The following KIF13B variants were observed in gnomAD, a reference collection of about 807,000 sequenced individuals.
KIF13B encodes kinesin family member 13B.
In KIF13B, 127 loss-of-function variants were observed where a neutral mutation model predicts 222.0. The observed-to-expected ratio is 0.57, with a 90% CI of 0.50 to 0.66. The LOEUF is 0.66. Among genes scored for constraint, KIF13B ranks in the 30% least tolerant of loss-of-function variants. KIF13B has a pLI of 0.00. For synonymous variants in KIF13B, 976 were observed against 919.0 expected (o/e 1.06, Z -1.12); for missense variants, 2,173 against 2,379.0 (o/e 0.91, Z 1.80).
At chr8:29,196,799 T>C (rs1471918797) in intron 2 of KIF13B, among the ~76,000 whole-genome samples, 2 of 152,156 alleles carry the variant, frequency 1.3e-5, no homozygotes, top group Admixed American at 6.5e-5. Flanking sequence ...GCTTAACAGT[T>C]GCACATCCCA....
At chr8:29,097,317 A>G (rs1002982884) in intron 36 of KIF13B, among the ~76,000 whole-genome samples, 1 of 152,198 alleles carries the variant, frequency 6.6e-6, no homozygotes, top group Non-Finnish European at 1.5e-5. Context: ...AATAATTAGA[A>G]GCTAATTATC....
intron 2 of KIF13B, among the ~76,000 whole-genome samples, chr8:29,225,012 T>A (rs1001615868): frequency 6.6e-6 from 1 of 152,234 alleles, no homozygotes; most frequent in Non-Finnish European, 1.5e-5. Flanking sequence ...GTGATATGTG[T>A]TACAGCTGCA....
intron 29 of KIF13B, among the ~76,000 whole-genome samples, chr8:29,119,555 C>T (rs1809758506): frequency 1.3e-5 from 2 of 152,204 alleles, no homozygotes; most frequent in Admixed American, 1.3e-4. Flanking sequence ...ATGTACCATG[C>T]TGACCAAAGT....
chr8:29,248,240 A>G (rs1816123119), intron 1 of KIF13B, among the ~76,000 whole-genome samples: 1 of 152,218 alleles, frequency 6.6e-6, no homozygotes, highest in South Asian at 2.1e-4. Context: ...TGTTCACAGT[A>G]CCATTATTTG....
intron 18 of KIF13B, among the ~76,000 whole-genome samples, chr8:29,144,220 TAAAAC>T (rs1463300493): frequency 2.6e-5 from 4 of 152,232 alleles, no homozygotes; most frequent in African/African-American, 7.2e-5. Flanking sequence ...ATTTAAATAA[TAAAAC>T]AAACATTTGA....
intron 2 of KIF13B, among the ~76,000 whole-genome samples, chr8:29,239,184 A>C (rs756457173): frequency 3.9e-5 from 6 of 152,220 alleles, no homozygotes; most frequent in Non-Finnish European, 5.9e-5. Flanking sequence ...GCTAAGGAAG[A>C]AAATGGACTC....
intron 38 of KIF13B, 25 bp from the exon 39 acceptor site, chr8:29,072,341 G>A (rs763684506): frequency 3.6e-6 from 5 of 1,371,998 alleles, no homozygotes; most frequent in South Asian, 1.9e-5. Context: ...GGAAGCAGGG[G>A]CTGAGAACAG....
intron 20 of KIF13B, 70 bp downstream of exon 20, chr8:29,140,398 T>C: frequency 1.3e-6 from 2 of 1,510,510 alleles, no homozygotes; most frequent in Non-Finnish European, 1.8e-6. Context: ...ATAGCAACAA[T>C]ATCCCATCAC....
At chr8:29,133,110 C>G (rs1289284469) in intron 22 of KIF13B, among the ~76,000 whole-genome samples, 2 of 152,112 alleles carry the variant, frequency 1.3e-5, no homozygotes, top group Non-Finnish European at 2.9e-5. Context: ...AGAAAGAGGC[C>G]TCTCTCTTGA....
chr8:29,186,351 T>C lies in KIF13B; in HGVS notation c.438A>G (p.Val146=). ...KEENEEQSFK[V]EVSYMEIYNE... is the part of the protein sequence containing the mutation. ...TATAAATTTCCATGTAGGACACTTC[T>C]ACTTTAAAACTCTGTTCTTCATTTT... Residue 146 remains valine (V), a synonymous_variant, in exon 6 of 40, where the codon GTA becomes GTG. Coordinates refer to ENST00000524189, the MANE Select transcript of KIF13B (RefSeq NM_015254.4). 1 of 1,613,824 alleles carries C rather than the reference T, an allele frequency of 6.2e-7. No homozygotes were observed. Among genetic ancestry groups the C allele is most frequent in the Non-Finnish European group, 8.5e-7 (1 of 1,179,706 alleles).
intron 14 of KIF13B, among the ~76,000 whole-genome samples, chr8:29,151,855 A>G (rs1280806430): frequency 7.7e-6 from 1 of 130,396 alleles, no homozygotes; most frequent in Non-Finnish European, 1.9e-5. Flanking sequence ...AAGTCTTATC[A>G]TTTAAAAAAT....
intron 5 of KIF13B, 55 bp from the exon 6 acceptor site, chr8:29,186,527 A>T: frequency 7.0e-7 from 1 of 1,433,090 alleles, no homozygotes; most frequent in East Asian, 2.3e-5. Context: ...TAAATACATA[A>T]CCCTCTTTCC....
At chr8:29,215,110 T>C (rs1814414360) in intron 2 of KIF13B, among the ~76,000 whole-genome samples, 1 of 152,272 alleles carries the variant, frequency 6.6e-6, no homozygotes, top group African/African-American at 2.4e-5. Context: ...ATTATGTTTG[T>C]TTCCCTGCTC....
intron 38 of KIF13B, among the ~76,000 whole-genome samples, chr8:29,072,582 C>T (rs903641569): frequency 2.0e-5 from 3 of 152,214 alleles, no homozygotes; most frequent in Non-Finnish European, 4.4e-5. Flanking sequence ...CACACTGGTT[C>T]TGCCACTTAG....
At position 29,242,247 on chromosome 8, in the gene KIF13B, A is replaced by G. The variant is rs535113845; in HGVS notation, c.149+3099T>C. ...GGCAACAGAGGGAGACCCTATCTCA[A>G]AAACAAACAACAACAACAACAAAAA... On this transcript the variant is annotated intron_variant, in intron 2 of 39. Coordinates refer to ENST00000524189, the MANE Select transcript of KIF13B (RefSeq NM_015254.4). 3.9e-5 allele frequency among the ~76,000 whole-genome samples: 6 copies of G among 152,272 alleles called. No individual in the cohort carries two copies. The South Asian group carries it at 1.0e-3, about 26-fold the overall frequency.
At chr8:29,143,911 C>T (rs374591997) in intron 18 of KIF13B, among the ~76,000 whole-genome samples, 1 of 151,360 alleles carries the variant, frequency 6.6e-6, no homozygotes, top group Non-Finnish European at 1.5e-5. Flanking sequence ...ACCTCCCCCC[C>T]AAAAAAAGTA....
intron 13 of KIF13B, among the ~76,000 whole-genome samples, chr8:29,156,070 G>A (rs552581591): frequency 2.0e-5 from 3 of 152,244 alleles, no homozygotes; most frequent in African/African-American, 7.2e-5. Context: ...CCAGGTTCAA[G>A]CGATTCTCCT....
chr8:29,213,211 T>C (rs1355481559), intron 2 of KIF13B, among the ~76,000 whole-genome samples: 1 of 152,160 alleles, frequency 6.6e-6, no homozygotes, highest in Non-Finnish European at 1.5e-5. Context: ...TCGTGGGGTG[T>C]GATGGAAAGA....
chr8:29,112,136 T>C (rs542162193), intron 32 of KIF13B, among the ~76,000 whole-genome samples: 3 of 152,154 alleles, frequency 2.0e-5, no homozygotes, highest in African/African-American at 7.2e-5. Context: ...CTAAGTACCA[T>C]GTAATATTTT....
Sources: gnomAD v4.1 joint callset for allele counts (sites outside exome capture counted in the v4.1 genomes callset) on GRCh38, gnomAD v4.1.1 for gene constraint, MANE v1.5 for transcripts, NCBI Gene and HGNC (gene_info 2026-07-23, HGNC 2026-07-21) for gene names.